Variants in KLHL32 observed in about 807,000 individuals in gnomAD.
KLHL32 encodes kelch like family member 32, also known as kelch-like protein 32.
KLHL32 carries 35 observed loss-of-function variants against 64.8 expected under a neutral mutation model. The ratio of observed to expected loss-of-function variants is 0.54; its 90% CI spans 0.41 to 0.72. KLHL32 has a LOEUF of 0.72. Ranked by LOEUF, KLHL32 falls within the 30% of genes least tolerant of loss-of-function variation. The pLI is 0.00. For synonymous variants in KLHL32, 259 were observed against 281.0 expected, an observed-to-expected ratio of 0.92 and a Z score of 0.78; for missense variants, 589 against 768.5, an observed-to-expected ratio of 0.77 and a Z score of 2.76.
chr6:97,093,105 A>T (rs182991775), intron 6 of KLHL32, among the ~76,000 whole-genome samples: 49 of 152,320 alleles, frequency 3.2e-4, no homozygotes, highest in Admixed American at 2.3e-3. Context: ...TGTGAGAAGG[A>T]AAAAGATGAC....
At chr6:97,098,553 A>G (rs1339416018) in intron 6 of KLHL32, among the ~76,000 whole-genome samples, 2 of 152,052 alleles carry the variant, frequency 1.3e-5, no homozygotes, top group African/African-American at 2.4e-5. Context: ...AAAAAACCCT[A>G]TTTGTTTTTT....
chr6:97,110,545 A>AT (rs1796976699), intron 6 of KLHL32, among the ~76,000 whole-genome samples: 1 of 152,150 alleles, frequency 6.6e-6, no homozygotes, highest in Non-Finnish European at 1.5e-5. Context: ...GAGTTTAGTG[A>AT]TTCTTTTCAC....
intron 3 of KLHL32, among the ~76,000 whole-genome samples, chr6:96,993,175 G>A (rs1035041186): frequency 9.9e-5 from 15 of 152,224 alleles, no homozygotes; most frequent in African/African-American, 3.6e-4. Flanking sequence ...AGTATTTTCT[G>A]TTAGCTTTTG....
At chr6:97,044,119 C>T (rs1434929130) in intron 4 of KLHL32, among the ~76,000 whole-genome samples, 1 of 152,012 alleles carries the variant, frequency 6.6e-6, no homozygotes. Context: ...ATAATGTTAA[C>T]TCTGGGCTTT....
intron 8 of KLHL32, among the ~76,000 whole-genome samples, chr6:97,128,209 G>T (rs1159597740): frequency 6.6e-6 from 1 of 152,164 alleles, no homozygotes; most frequent in Non-Finnish European, 1.5e-5. Flanking sequence ...GTTGGGACTG[G>T]CCACCAAATC....
At chr6:96,985,964 C>T (rs1323563590) in intron 3 of KLHL32, among the ~76,000 whole-genome samples, 1 of 152,138 alleles carries the variant, frequency 6.6e-6, no homozygotes, top group Non-Finnish European at 1.5e-5. Context: ...TTTAGAGTTT[C>T]CAGCTTCTCT....
intron 1 of KLHL32, among the ~76,000 whole-genome samples, chr6:96,932,219 T>G (rs1263907298): frequency 1.3e-5 from 2 of 150,510 alleles, no homozygotes; most frequent in East Asian, 3.9e-4. Flanking sequence ...TTTTTTTTTT[T>G]TTGAGATTTC....
At chr6:97,001,374 T>A (rs936339304) in intron 3 of KLHL32, among the ~76,000 whole-genome samples, 2 of 152,212 alleles carry the variant, frequency 1.3e-5, no homozygotes, top group Non-Finnish European at 1.5e-5. Flanking sequence ...ATTAAAAAAA[T>A]TTTGTAGGTA....
the KLHL32 span, among the ~76,000 whole-genome samples, chr6:96,911,078 C>T: frequency 6.6e-6 from 1 of 151,996 alleles, no homozygotes; most frequent in African/African-American, 2.4e-5. Flanking sequence ...AATTAGTTTT[C>T]TAGGGTTGCC....
intron 1 of KLHL32, among the ~76,000 whole-genome samples, chr6:96,966,257 A>T (rs1774444236): frequency 6.6e-6 from 1 of 152,240 alleles, no homozygotes; most frequent in Non-Finnish European, 1.5e-5. Flanking sequence ...TGTAAAGTGT[A>T]GTCATGGACC....
chr6:97,128,783 G>A (rs1455066417), intron 8 of KLHL32, among the ~76,000 whole-genome samples: 2 of 152,200 alleles, frequency 1.3e-5, no homozygotes, highest in Non-Finnish European at 2.9e-5. Flanking sequence ...TGCAGCGGTT[G>A]GTGGCTCACC....
At chr6:96,930,019 TC>T (rs1391202904) in intron 1 of KLHL32, among the ~76,000 whole-genome samples, 1 of 152,194 alleles carries the variant, frequency 6.6e-6, no homozygotes, top group African/African-American at 2.4e-5. Flanking sequence ...TATTCTACTT[TC>T]CATGCCAGAT....
chr6:96,925,331 T>C (rs1254652671), intron 1 of KLHL32, among the ~76,000 whole-genome samples: 1 of 152,232 alleles, frequency 6.6e-6, no homozygotes, highest in Non-Finnish European at 1.5e-5. Flanking sequence ...GTTTCTTAAA[T>C]GATGCCGTTA....
intron 4 of KLHL32, among the ~76,000 whole-genome samples, chr6:97,061,585 C>G (rs926553): frequency 0.25 from 38,315 of 151,976 alleles, 6,205 homozygotes; most frequent in African/African-American, 0.45. Flanking sequence ...GTCCTTGAGT[C>G]ACCCTTCTTC....
chr6:97,026,974 C>T (rs1782800777), intron 3 of KLHL32, among the ~76,000 whole-genome samples: 1 of 151,798 alleles, frequency 6.6e-6, no homozygotes, highest in South Asian at 2.1e-4. Flanking sequence ...CCAGCCCGGC[C>T]AATGTGGTGA....
chr6:96,990,211 G>A (rs183001517), intron 3 of KLHL32, among the ~76,000 whole-genome samples: 165 of 152,296 alleles, frequency 1.1e-3, no homozygotes, highest in African/African-American at 3.8e-3. Flanking sequence ...TCTTATCTCT[G>A]TGTGCTGATG....
intron 7 of KLHL32, among the ~76,000 whole-genome samples, chr6:97,115,850 A>G (rs1157161515): frequency 6.6e-6 from 1 of 152,220 alleles, no homozygotes; most frequent in Non-Finnish European, 1.5e-5. Context: ...AATAACCCTG[A>G]TGTTTGTACT....
intron 6 of KLHL32, among the ~76,000 whole-genome samples, chr6:97,087,058 C>T (rs1304224229): frequency 2.0e-5 from 3 of 152,176 alleles, no homozygotes; most frequent in Admixed American, 2.0e-4. Context: ...ATAATTGCCT[C>T]TCTAAAGGTT....
At chr6:97,046,578 A>G (rs1475358845) in intron 4 of KLHL32, among the ~76,000 whole-genome samples, 2 of 152,104 alleles carry the variant, frequency 1.3e-5, no homozygotes, top group Middle Eastern at 3.2e-3. Flanking sequence ...AGAAGTTGAT[A>G]CCTCTACAGC....
Sources: gnomAD v4.1 joint callset for allele counts (sites outside exome capture counted in the v4.1 genomes callset) on GRCh38, gnomAD v4.1.1 for gene constraint, MANE v1.5 for transcripts, NCBI Gene and HGNC (gene_info 2026-07-23, HGNC 2026-07-21) for gene names.